MAF: variants seen among roughly 807,000 people sequenced by gnomAD.
The protein encoded by MAF is MAF bZIP transcription factor, also known as transcription factor Maf.
A neutral mutation model predicts 22.0 loss-of-function variants in MAF; 10 were observed. The ratio of observed to expected loss-of-function variants is 0.45; its 90% CI spans 0.28 to 0.77. The LOEUF (loss-of-function observed/expected upper bound fraction) is 0.77, where lower values mean the gene tolerates loss of function less well. MAF is among the 30% of genes least tolerant of loss of function. The probability of loss-of-function intolerance (pLI) is 0.12; values close to 1 mark genes in which losing one functional copy is unlikely to be tolerated. For missense variants in MAF, 544 were observed against 548.4 expected, an observed-to-expected ratio of 0.99 and a Z score of 0.08; for synonymous variants, 337 against 255.8, an observed-to-expected ratio of 1.32 and a Z score of -3.03.
chr16:79,222,373 C>G, the MAF span, among the ~76,000 whole-genome samples: 1 of 152,126 alleles, frequency 6.6e-6, no homozygotes, highest in Non-Finnish European at 1.5e-5. Flanking sequence ...ATACCAGCCA[C>G]TGCAAAAAGA....
At chr16:79,274,659 G>C in the MAF span, among the ~76,000 whole-genome samples, 16 of 152,254 alleles carry the variant, frequency 1.1e-4, no homozygotes, top group South Asian at 2.1e-3. Flanking sequence ...AGGGAGATGG[G>C]GTTCAGGGGG....
chr16:79,467,317 G>A, the MAF span, among the ~76,000 whole-genome samples: 1 of 152,100 alleles, frequency 6.6e-6, no homozygotes, highest in Non-Finnish European at 1.5e-5. Context: ...CATGTGTACT[G>A]CCTCACACCC....
At chr16:79,320,871 A>T in the MAF span, among the ~76,000 whole-genome samples, 2 of 152,220 alleles carry the variant, frequency 1.3e-5, no homozygotes, top group Admixed American at 6.5e-5. Context: ...AACCCCATGC[A>T]GGAGGTACTG....
the MAF span, among the ~76,000 whole-genome samples, chr16:79,359,779 T>G: frequency 2.0e-5 from 3 of 152,208 alleles, no homozygotes; most frequent in South Asian, 6.2e-4. Flanking sequence ...TCATCTTTCA[T>G]CTTAAAAGAG....
chr16:79,284,615 T>C, the MAF span, among the ~76,000 whole-genome samples: 17 of 152,202 alleles, frequency 1.1e-4, no homozygotes. Context: ...TAATCATCGA[T>C]AATAATAATG....
the MAF span, among the ~76,000 whole-genome samples, chr16:79,401,519 G>A: frequency 6.6e-6 from 1 of 152,142 alleles, no homozygotes; most frequent in African/African-American, 2.4e-5. Flanking sequence ...AGCAGGGAGA[G>A]CTCCTCCCTT....
chr16:79,287,043 CTG>C, the MAF span, among the ~76,000 whole-genome samples: 2 of 151,972 alleles, frequency 1.3e-5, no homozygotes, highest in Non-Finnish European at 2.9e-5. Context: ...AGGCTGCTGA[CTG>C]TGGGAGCAGG....
chr16:79,547,046 C>T, the MAF span, among the ~76,000 whole-genome samples: 2 of 152,130 alleles, frequency 1.3e-5, no homozygotes, highest in Non-Finnish European at 2.9e-5. Flanking sequence ...ACAGGACATG[C>T]GTACGAGTTT....
At chr16:79,575,258 C>G in the MAF span, among the ~76,000 whole-genome samples, 3 of 152,088 alleles carry the variant, frequency 2.0e-5, no homozygotes, top group Non-Finnish European at 4.4e-5. Context: ...CAAGCCTTAC[C>G]CAATGCCATG....
At chr16:79,285,587 C>T in the MAF span, among the ~76,000 whole-genome samples, 1 of 152,124 alleles carries the variant, frequency 6.6e-6, no homozygotes, top group South Asian at 2.1e-4. Context: ...GAGTGGGACT[C>T]TGGATGTTGC....
chr16:79,355,178 T>C, the MAF span, among the ~76,000 whole-genome samples: 3 of 152,316 alleles, frequency 2.0e-5, no homozygotes, highest in Admixed American at 1.3e-4. Flanking sequence ...CAGAATACAT[T>C]GGCAGTACTT....
the MAF span, among the ~76,000 whole-genome samples, chr16:79,541,996 G>T: frequency 6.6e-6 from 1 of 152,106 alleles, no homozygotes; most frequent in African/African-American, 2.4e-5. Flanking sequence ...GGTTCAGATT[G>T]TGGCATTTGC....
chr16:79,287,713 T>G, the MAF span, among the ~76,000 whole-genome samples: 1 of 152,246 alleles, frequency 6.6e-6, no homozygotes, highest in South Asian at 2.1e-4. Context: ...ATTCACTCAT[T>G]CATTTATTCA....
chr16:79,508,483 G>A, the MAF span, among the ~76,000 whole-genome samples: 1 of 152,098 alleles, frequency 6.6e-6, no homozygotes. Flanking sequence ...TCCTGCTGTT[G>A]CCAGTCCCAG....
chr16:79,250,931 C>T, the MAF span, among the ~76,000 whole-genome samples: 1 of 152,160 alleles, frequency 6.6e-6, no homozygotes, highest in Non-Finnish European at 1.5e-5. Context: ...CTGTATTTGT[C>T]TGTAATAATT....
At chr16:79,266,190 G>C in the MAF span, among the ~76,000 whole-genome samples, 1 of 152,154 alleles carries the variant, frequency 6.6e-6, no homozygotes, top group Admixed American at 6.5e-5. Flanking sequence ...CATGTCTTGA[G>C]GGACAGAGCC....
the MAF span, among the ~76,000 whole-genome samples, chr16:79,354,312 G>A: frequency 0.48 from 73,382 of 151,904 alleles, 19,354 homozygotes; most frequent in East Asian, 0.76. Flanking sequence ...GATGGATTCA[G>A]TGGAAGGTCA....
chr16:79,260,792 C>T, the MAF span, among the ~76,000 whole-genome samples: 2 of 151,880 alleles, frequency 1.3e-5, no homozygotes, highest in Non-Finnish European at 2.9e-5. Flanking sequence ...GGCATCCAAT[C>T]TGTGACTTCA....
the MAF span, chr16:79,211,966 G>A: frequency 6.5e-7 from 1 of 1,535,014 alleles, no homozygotes; most frequent in East Asian, 2.4e-5. Flanking sequence ...GGGAAGCAGG[G>A]AATTCCTGGG....
Sources: allele counts gnomAD v4.1 joint callset (sites outside exome capture counted in the v4.1 genomes callset), GRCh38; gene constraint gnomAD v4.1.1; transcripts MANE v1.5; gene names NCBI Gene and HGNC (gene_info 2026-07-23, HGNC 2026-07-21).